The following DNM2 variants were observed in gnomAD, a reference collection of about 807,000 sequenced individuals.
DNM2 encodes dynamin 2.
DNM2 carries 15 observed loss-of-function variants against 99.0 expected under a neutral mutation model. The ratio of observed to expected loss-of-function variants is 0.15; its 90% CI spans 0.10 to 0.23. DNM2 has a LOEUF of 0.23. DNM2 is among the 10% of genes least tolerant of loss of function. The pLI is 1.00. For synonymous variants in DNM2, 525 were observed against 481.2 expected, an observed-to-expected ratio of 1.09 and a Z score of -1.19; for missense variants, 742 against 1,189.4, an observed-to-expected ratio of 0.62 and a Z score of 5.53.
chr19:10,727,093 C>T (rs1333090317), intron 1 of DNM2, among the ~76,000 whole-genome samples: 6 of 152,160 alleles, frequency 3.9e-5, no homozygotes, highest in African/African-American at 1.4e-4. Flanking sequence ...CTGCCCTAAC[C>T]CCACATGTGA....
intron 7 of DNM2, among the ~76,000 whole-genome samples, 199 bp downstream of exon 7, chr19:10,786,905 C>T (rs1436499139): frequency 6.6e-6 from 1 of 152,196 alleles, no homozygotes; most frequent in Non-Finnish European, 1.5e-5. Flanking sequence ...CGTCCCTGCC[C>T]CTGGAGTGCT....
chr19:10,829,732 G>A lies in DNM2; in HGVS notation c.2292-395G>A, dbSNP rs548549665. Among the ~76,000 whole-genome samples the A allele has an allele frequency of 5.1e-4, 77 of 152,244 alleles. No individual in the cohort carries two copies. In the Middle Eastern group the frequency reaches 0.01, roughly 20 times the overall value. ...GGGGCTGCCTTGCAGAGCCCTGGGG[G>A]AGCCATGGAGTTCCTTAAGGGGAGG... On this transcript the variant is annotated intron_variant, in intron 19 of 20. Transcript: ENST00000389253.
At chr19:10,824,894 G>A (rs1008704926) in intron 17 of DNM2, 163 bp from the exon 18 acceptor site, 27 of 1,067,056 alleles carry the variant, frequency 2.5e-5, no homozygotes, top group Non-Finnish European at 3.6e-5. Flanking sequence ...CATTGTTTGG[G>A]CAGCTCTGGC....
At position 10,812,169 on chromosome 19, in the gene DNM2, C is replaced by G; in HGVS notation, c.1558-95C>G. 1 of 1,109,600 alleles carries G rather than the reference C, an allele frequency of 9.0e-7. No homozygotes were observed. Among genetic ancestry groups the G allele is most frequent in the Non-Finnish European group, 1.3e-6 (1 of 764,908 alleles). The allele number at this position is 1,109,600 out of a possible 1,614,324, so 68.7% of individuals were successfully genotyped here. A position where few individuals can be genotyped will look rare whatever the true frequency, so the allele number is the denominator to read the frequency against. On this transcript the variant is annotated intron_variant, in intron 14 of 20. Coordinates refer to ENST00000389253, the MANE Select transcript of DNM2 (RefSeq NM_001005361.3). This position sits in a 1 kb window ranked among gnomAD's most constrained non-coding sequence, Gnocchi z 4.0. ...GCTGGAGGTGTCTCTATTGCGGTCCCTGGCTTCCCACTGAGCTGTGGGCAA... is the reference window on the plus strand; with the variant it reads ...GCTGGAGGTGTCTCTATTGCGGTCCGTGGCTTCCCACTGAGCTGTGGGCAA...
rs762624510 is a variant in DNM2 at position 10,830,161 on chromosome 19, C to T, written c.2326C>T (p.His776Tyr). ...TPQRRPVSSI[H>Y]PPGRPPAVRG... is the part of the protein sequence containing the mutation. Reference sequence around the variant, plus strand: ...ACAGCGCCGACCGGTGTCCAGCATACACCCCCCTGGCCGGCCCCCAGCAGT... The same window carrying T: ...ACAGCGCCGACCGGTGTCCAGCATATACCCCCCTGGCCGGCCCCCAGCAGT... Residue 776 changes from histidine (H) to tyrosine (Y), a missense_variant, in exon 20 of 21, where the codon CAC (histidine) becomes TAC (tyrosine). Physicochemically the swap from His to Tyr is moderately conservative, Grantham distance 83. Transcript: ENST00000389253. This position sits in a 1 kb window ranked among gnomAD's most constrained non-coding sequence, Gnocchi z 4.8. 4 of 1,613,732 alleles carry T rather than the reference C, an allele frequency of 2.5e-6. No individual in the cohort carries two copies. The highest frequency in any genetic ancestry group is 1.1e-5 in the South Asian group (1 of 91,088).
chr19:10,788,936 T>C (rs2071656606), intron 7 of DNM2, among the ~76,000 whole-genome samples: 1 of 152,160 alleles, frequency 6.6e-6, no homozygotes, highest in Admixed American at 6.5e-5. Context: ...CAGTAGTGCA[T>C]GGTCGTGGGC....
At chr19:10,782,586 C>G (rs2071416203) in intron 5 of DNM2, among the ~76,000 whole-genome samples, 1 of 150,540 alleles carries the variant, frequency 6.6e-6, no homozygotes, top group African/African-American at 2.4e-5. Flanking sequence ...CCTCGAGCTC[C>G]TTACCTTGTG....
In DNM2 at chr19:10,811,912, G is replaced by C. The variant is rs776571011; in HGVS notation, c.1558-352G>C. Reference sequence around the variant, plus strand: ...TGCTACCCTTGGAACCTTATCTCACGCAAACAAGTGCAGTTCCTCAGATGT... The same window carrying C: ...TGCTACCCTTGGAACCTTATCTCACCCAAACAAGTGCAGTTCCTCAGATGT... On this transcript the variant is annotated intron_variant, in intron 14 of 20. Transcript: ENST00000389253. This position sits in a 1 kb window ranked among gnomAD's most constrained non-coding sequence, Gnocchi z 5.4. 11 of 456,246 alleles carry C rather than the reference G, an allele frequency of 2.4e-5. No individual in the cohort carries two copies. The highest frequency in any genetic ancestry group is 2.0e-4 in the African/African-American group (10 of 50,102). 28.3% of individuals were successfully genotyped at this position (456,246 alleles called of 1,614,324 possible).
chr19:10,805,844 C>T, intron 12 of DNM2, 72 bp from the exon 13 acceptor site: 1 of 1,602,016 alleles, frequency 6.2e-7, no homozygotes, highest in Non-Finnish European at 8.6e-7. Context: ...AGAGAACGGC[C>T]ACATTCGCCT....
intron 1 of DNM2, among the ~76,000 whole-genome samples, chr19:10,733,147 G>T (rs1252708911): frequency 6.6e-6 from 1 of 150,408 alleles, no homozygotes; most frequent in East Asian, 2.0e-4. Flanking sequence ...GCCTCCCAAA[G>T]TGCTGGGATT....
intron 1 of DNM2, among the ~76,000 whole-genome samples, chr19:10,736,092 G>T (rs191061918): frequency 1.3e-5 from 2 of 152,002 alleles, no homozygotes; most frequent in East Asian, 3.9e-4. Flanking sequence ...GTGAAACTCC[G>T]TCTCTACTAA....
At chr19:10,803,795 C>A in intron 12 of DNM2, 1 of 678,070 alleles carries the variant, frequency 1.5e-6, no homozygotes, top group Non-Finnish European at 1.8e-6. Context: ...TCTCTCAGAG[C>A]CAGGGCCAGT....
chr19:10,738,714 AAGTT>A (rs1364990987), intron 1 of DNM2, among the ~76,000 whole-genome samples: 3 of 151,692 alleles, frequency 2.0e-5, no homozygotes, highest in African/African-American at 4.9e-5. Context: ...ATACAAAAAA[AAGTT>A]AGTTAGCTGG....
chr19:10,824,814 A>C (rs2073090233), intron 17 of DNM2: 1 of 571,760 alleles, frequency 1.7e-6, no homozygotes, highest in Non-Finnish European at 3.1e-6. Flanking sequence ...GTCAAAAAAA[A>C]ACAAAACAAA....
chr19:10,794,344 CGT>C lies in DNM2; in HGVS notation c.1128+523_1128+524del, dbSNP rs58263525. On this transcript the variant is annotated intron_variant, in intron 8 of 20. Transcript: ENST00000389253. ...TGCTAGGATTTGGGACTTCTTTTTC[CGT>C]GTGTGTGTGTGTGTGTGTGTGTGTG... 6.8e-3 allele frequency among the ~76,000 whole-genome samples: 958 copies of C among 141,144 alleles called. 2 individuals carry two copies. The highest frequency in any genetic ancestry group is 8.6e-3 in the South Asian group (37 of 4,310). 92.6% of individuals were successfully genotyped at this position (141,144 alleles called of 152,430 possible). A position where few individuals can be genotyped will look rare whatever the true frequency, so the allele number is the denominator to read the frequency against.
rs776056501 is a variant in DNM2 at position 10,818,020 on chromosome 19, C to T, written c.1672-1960C>T. Among the ~76,000 whole-genome samples, 28 of 152,194 alleles carry T rather than the reference C, an allele frequency of 1.8e-4. No homozygotes were observed. The highest frequency in any genetic ancestry group is 3.4e-3 in the Middle Eastern group (1 of 294). On this transcript the variant is annotated intron_variant, in intron 15 of 20. Coordinates refer to ENST00000389253, the MANE Select transcript of DNM2 (RefSeq NM_001005361.3). The surrounding 1 kb of genome is among the most constrained non-coding windows in gnomAD (Gnocchi z 4.3). Reference sequence around the variant, plus strand: ...AAGGCCCTTGGGCAAACGTCCGAGCCGGGGGCAGGGCTTCTGCAGAGCCCC... The same window carrying T: ...AAGGCCCTTGGGCAAACGTCCGAGCTGGGGGCAGGGCTTCTGCAGAGCCCC...
Position 10,820,199 on chromosome 19 carries a change from C to A in DNM2, c.1781+110C>A. The A allele has an allele frequency of 9.6e-7, 1 of 1,045,974 alleles. No homozygotes were observed. The highest frequency in any genetic ancestry group is 2.4e-5 in the East Asian group (1 of 41,254). 64.8% of individuals were successfully genotyped at this position (1,045,974 alleles called of 1,614,324 possible). ...CACCTGGCTGTCAGCAGTCCCTGCCCTTGGGACCCAGCTTTTAGAAAGGGG... is the reference window on the plus strand; with the variant it reads ...CACCTGGCTGTCAGCAGTCCCTGCCATTGGGACCCAGCTTTTAGAAAGGGG... On this transcript the variant is annotated intron_variant, in intron 16 of 20. Coordinates refer to ENST00000389253, the MANE Select transcript of DNM2 (RefSeq NM_001005361.3). This position sits in a 1 kb window ranked among gnomAD's most constrained non-coding sequence, Gnocchi z 4.3.
intron 1 of DNM2, among the ~76,000 whole-genome samples, chr19:10,724,096 A>AAGGAGAAACATGGGTG (rs974295562): frequency 6.6e-6 from 1 of 150,948 alleles, no homozygotes; most frequent in Non-Finnish European, 1.5e-5. Flanking sequence ...AAAAAAAAAA[A>AAGGAGAAACATGGGTG]AAGGCGATAA....
In DNM2 at chr19:10,812,117, G is replaced by A. The variant is rs891368101; in HGVS notation, c.1558-147G>A. ...TCCTGCTGGAAATGCTTGGGACAGG[G>A]TGGAACTGGGTTTCCTGGGCTTTGG... is the stretch of plus-strand genomic sequence containing the variant. On this transcript the variant is annotated intron_variant, in intron 14 of 20. Transcript: ENST00000389253. The surrounding 1 kb of genome is among the most constrained non-coding windows in gnomAD (Gnocchi z 4.0). 7 of 653,102 alleles carry A rather than the reference G, an allele frequency of 1.1e-5. No homozygotes were observed. The highest frequency in any genetic ancestry group is 1.6e-5 in the Non-Finnish European group (6 of 366,128). The allele number at this position is 653,102 out of a possible 1,614,324, so 40.5% of individuals were successfully genotyped here.
Sources: allele counts gnomAD v4.1 joint callset (sites outside exome capture counted in the v4.1 genomes callset), GRCh38; gene constraint gnomAD v4.1.1; non-coding constraint Gnocchi (gnomAD v3.1); transcripts MANE v1.5; gene names NCBI Gene and HGNC (gene_info 2026-07-23, HGNC 2026-07-21).